The following GALNT13 variants were observed in gnomAD, a reference collection of about 807,000 sequenced individuals.
GALNT13 encodes the protein UDP-GalNAc:polypeptide N-acetylgalactosaminyltransferase 13.
GALNT13 carries 28 observed loss-of-function variants against 64.2 expected under a neutral mutation model. The observed-to-expected ratio is 0.44, with a 90% confidence interval of 0.32 to 0.60. The LOEUF (loss-of-function observed/expected upper bound fraction) is 0.60, where lower values mean the gene tolerates loss of function less well. Ranked by LOEUF, GALNT13 falls within the 20% of genes least tolerant of loss-of-function variation. GALNT13 has a pLI of 0.05. For missense variants in GALNT13, 577 were observed against 669.8 expected, an observed-to-expected ratio of 0.86 and a Z score of 1.53; for synonymous variants, 214 against 224.6, an observed-to-expected ratio of 0.95 and a Z score of 0.42.
intron 10 of GALNT13, among the ~76,000 whole-genome samples, chr2:154,398,031 T>C (rs1574233754): frequency 6.6e-6 from 1 of 152,238 alleles, no homozygotes; most frequent in Non-Finnish European, 1.5e-5. Flanking sequence ...ACAGTGCTTT[T>C]TAAAATAGAA....
chr2:153,733,229 C>G, the GALNT13 span, among the ~76,000 whole-genome samples: 1 of 152,170 alleles, frequency 6.6e-6, no homozygotes, highest in African/African-American at 2.4e-5. Flanking sequence ...TTCTACCAAA[C>G]AAAACATTAG....
chr2:153,388,826 G>C, the GALNT13 span, among the ~76,000 whole-genome samples: 1 of 151,986 alleles, frequency 6.6e-6, no homozygotes, highest in Non-Finnish European at 1.5e-5. Context: ...CAGGAGGACT[G>C]ACTGTCGATT....
intron 9 of GALNT13, among the ~76,000 whole-genome samples, chr2:154,306,059 G>A (rs752914920): frequency 3.0e-4 from 46 of 152,112 alleles, no homozygotes; most frequent in Non-Finnish European, 6.0e-4. Context: ...TGGCAAATAA[G>A]CCTTTGTCCC....
chr2:154,217,102 TTTA>T (rs922373959), intron 4 of GALNT13, among the ~76,000 whole-genome samples: 5 of 151,934 alleles, frequency 3.3e-5, no homozygotes, highest in African/African-American at 9.7e-5. Flanking sequence ...CATTTCTCTT[TTTA>T]TTAAACTACT....
Position 154,368,342 on chromosome 2 carries a change from C to A in GALNT13, c.1157-27649C>A, listed in dbSNP as rs1347790842. ...ACAAAGCTGACCACAGCATAGAAAC[C>A]CCTGCCAACACTAAGGTCACACCCC... is the stretch of plus-strand genomic sequence containing the variant. On this transcript the variant is annotated intron_variant, in intron 9 of 12. Coordinates refer to ENST00000392825, the MANE Select transcript of GALNT13 (RefSeq NM_052917.4). Among the ~76,000 whole-genome samples the A allele has an allele frequency of 3.3e-4, 50 of 152,044 alleles. 1 individual carries two copies. The highest frequency in any genetic ancestry group is 3.3e-3 in the Admixed American group (50 of 15,254).
the GALNT13 span, among the ~76,000 whole-genome samples, chr2:153,137,546 G>A: frequency 6.8e-4 from 103 of 151,988 alleles, no homozygotes; most frequent in Middle Eastern, 3.4e-3. Flanking sequence ...AATTCAATTG[G>A]GTTTGGGATC....
At chr2:154,172,195 A>G (rs1303108584) in intron 4 of GALNT13, among the ~76,000 whole-genome samples, 1 of 152,000 alleles carries the variant, frequency 6.6e-6, no homozygotes, top group African/African-American at 2.4e-5. Context: ...TGCATAATAG[A>G]TGTACATAGT....
chr2:153,863,170 C>T, the GALNT13 span, among the ~76,000 whole-genome samples: 1 of 152,080 alleles, frequency 6.6e-6, no homozygotes, highest in South Asian at 2.1e-4. Flanking sequence ...GTCTGGTACA[C>T]TTAAGTTTTG....
intron 4 of GALNT13, among the ~76,000 whole-genome samples, chr2:154,191,935 T>C (rs1444138573): frequency 6.6e-6 from 1 of 152,184 alleles, no homozygotes; most frequent in Non-Finnish European, 1.5e-5. Context: ...CCAGGGTTTC[T>C]TGCCTTGGTG....
At chr2:153,788,224 A>T in the GALNT13 span, among the ~76,000 whole-genome samples, 1 of 152,216 alleles carries the variant, frequency 6.6e-6, no homozygotes, top group African/African-American at 2.4e-5. Context: ...AGGGAAGCTC[A>T]TCGAACTAAA....
the GALNT13 span, among the ~76,000 whole-genome samples, chr2:153,337,272 G>A: frequency 6.6e-6 from 1 of 152,078 alleles, no homozygotes; most frequent in Admixed American, 6.6e-5. Context: ...AGAATCAGTG[G>A]GAATCTTAAG....
intron 11 of GALNT13, among the ~76,000 whole-genome samples, chr2:154,417,838 A>T (rs1265834518): frequency 6.6e-6 from 1 of 151,950 alleles, no homozygotes; most frequent in Non-Finnish European, 1.5e-5. Context: ...AAATTCTATC[A>T]ATCTAGTCGC....
At chr2:153,876,143 T>C (rs1259678322) in intron 1 of GALNT13, among the ~76,000 whole-genome samples, 1 of 151,794 alleles carries the variant, frequency 6.6e-6, no homozygotes, top group African/African-American at 2.4e-5. Context: ...TACATATATA[T>C]ACTCATATTT....
At chr2:153,639,742 A>G in the GALNT13 span, among the ~76,000 whole-genome samples, 1 of 152,340 alleles carries the variant, frequency 6.6e-6, no homozygotes, top group East Asian at 1.9e-4. Context: ...ATTTTAGTTA[A>G]AAAACTAAAG....
chr2:153,817,897 G>A, the GALNT13 span, among the ~76,000 whole-genome samples: 1 of 152,158 alleles, frequency 6.6e-6, no homozygotes, highest in African/African-American at 2.4e-5. Flanking sequence ...ATAAATTAAG[G>A]AGGGGGAGGT....
chr2:154,175,227 T>G (rs1356290878), intron 4 of GALNT13, among the ~76,000 whole-genome samples: 2 of 152,198 alleles, frequency 1.3e-5, no homozygotes, highest in Admixed American at 6.5e-5. Context: ...CTCTTTTCAT[T>G]TTCTGGAACA....
chr2:153,470,492 G>A, the GALNT13 span, among the ~76,000 whole-genome samples: 17 of 152,242 alleles, frequency 1.1e-4, no homozygotes, highest in Admixed American at 5.2e-4. Context: ...GGGTTATTAA[G>A]TTGATGAGAT....
At chr2:154,227,673 T>G (rs928316829) in intron 4 of GALNT13, among the ~76,000 whole-genome samples, 1 of 151,914 alleles carries the variant, frequency 6.6e-6, no homozygotes, top group Admixed American at 6.6e-5. Flanking sequence ...TCCTTTTTTG[T>G]GGCTGCATAC....
At chr2:153,750,271 T>C in the GALNT13 span, among the ~76,000 whole-genome samples, 339 of 152,018 alleles carry the variant, frequency 2.2e-3, 1 homozygote, top group African/African-American at 6.9e-3. Flanking sequence ...ACCAGAGATA[T>C]TGGCCCATAG....
Sources: gnomAD v4.1 joint callset for allele counts (sites outside exome capture counted in the v4.1 genomes callset) on GRCh38, gnomAD v4.1.1 for gene constraint, MANE v1.5 for transcripts, NCBI Gene and HGNC (gene_info 2026-07-23, HGNC 2026-07-21) for gene names.